GALNT17: variants seen among roughly 807,000 people sequenced by gnomAD.
GALNT17 encodes UDP-GalNAc:polypeptide N-acetylgalactosaminyltransferase-like 3.
A neutral mutation model predicts 63.7 loss-of-function variants in GALNT17; 29 were observed. The ratio of observed to expected loss-of-function variants is 0.46; its 90% CI spans 0.34 to 0.62. GALNT17 has a LOEUF of 0.62. Among genes scored for constraint, GALNT17 ranks in the 20% least tolerant of loss-of-function variants. GALNT17 has a pLI of 0.01. For synonymous variants in GALNT17, 305 were observed against 318.3 expected, an observed-to-expected ratio of 0.96 and a Z score of 0.45; for missense variants, 603 against 799.6, an observed-to-expected ratio of 0.75 and a Z score of 2.97.
At chr7:71,569,218 C>T (rs1789397505) in intron 5 of GALNT17, among the ~76,000 whole-genome samples, 1 of 152,112 alleles carries the variant, frequency 6.6e-6, no homozygotes, top group Admixed American at 6.6e-5. Flanking sequence ...GATCCCCCTG[C>T]CTCGGCCTCC....
intron 6 of GALNT17, among the ~76,000 whole-genome samples, chr7:71,590,537 G>T (rs758334112): frequency 6.6e-6 from 1 of 152,202 alleles, no homozygotes; most frequent in Non-Finnish European, 1.5e-5. Flanking sequence ...AGTGATGTGG[G>T]TGATTTATGG....
intron 1 of GALNT17, among the ~76,000 whole-genome samples, chr7:71,212,247 G>A (rs1292099681): frequency 6.6e-6 from 1 of 152,222 alleles, no homozygotes; most frequent in African/African-American, 2.4e-5. Context: ...CTCAGGCTGT[G>A]GCTTTGGAAG....
At chr7:71,553,369 G>T (rs1584045217) in intron 5 of GALNT17, among the ~76,000 whole-genome samples, 1 of 151,554 alleles carries the variant, frequency 6.6e-6, no homozygotes, top group African/African-American at 2.4e-5. Context: ...GTTTTTTTAG[G>T]CTATAGAGTT....
At chr7:71,359,126 AAGTACAG>A (rs1792349464) in intron 2 of GALNT17, among the ~76,000 whole-genome samples, 1 of 152,214 alleles carries the variant, frequency 6.6e-6, no homozygotes, top group Admixed American at 6.5e-5. Context: ...TTAGTGTCAC[AAGTACAG>A]TGCCTTTGTC....
intron 1 of GALNT17, among the ~76,000 whole-genome samples, chr7:71,139,125 G>A (rs182767379): frequency 1.3e-5 from 2 of 152,298 alleles, no homozygotes; most frequent in East Asian, 1.9e-4. Context: ...GGTGAGAAAG[G>A]TGAGAAACAG....
intron 2 of GALNT17, among the ~76,000 whole-genome samples, chr7:71,345,403 C>T (rs929561889): frequency 6.6e-6 from 1 of 152,180 alleles, no homozygotes; most frequent in Non-Finnish European, 1.5e-5. Context: ...GCTTATAAAT[C>T]CAGATGTCAG....
chr7:71,388,675 C>A (rs1322543223), intron 3 of GALNT17, among the ~76,000 whole-genome samples: 3 of 151,816 alleles, frequency 2.0e-5, no homozygotes, highest in African/African-American at 4.8e-5. Context: ...TACAGGCACC[C>A]GGCACCACGC....
At chr7:71,614,908 G>A (rs978909351) in intron 6 of GALNT17, among the ~76,000 whole-genome samples, 2 of 141,694 alleles carry the variant, frequency 1.4e-5, no homozygotes, top group African/African-American at 2.6e-5. Flanking sequence ...AGGGAGGGAG[G>A]AAGGGAGGGA....
rs111321229 is a variant in GALNT17 at position 71,606,135 on chromosome 7, T to G, written c.1080+34733T>G. ...TTGTATTTTTTTTTTTTTTTTTTTT[T>G]GTACAGACAGGGTTTCATTATGCTG... On this transcript the variant is annotated intron_variant, in intron 6 of 10. Transcript: ENST00000333538. 1.4e-3 allele frequency among the ~76,000 whole-genome samples: 69 copies of G among 49,122 alleles called. 1 individual carries two copies. The highest frequency in any genetic ancestry group is 4.9e-3 in the African/African-American group (63 of 12,818). 32.2% of individuals were successfully genotyped at this position (49,122 alleles called of 152,430 possible).
rs561299393 is a variant in GALNT17, at chr7:71,171,978, T to C, written c.238+38938T>C. On this transcript the variant is annotated intron_variant, in intron 1 of 10. Transcript: ENST00000333538. ...CACCCTCCCACCCCCAGCCCACCTATCCAATCTTCAGGATTAATTCTTTTC... is the reference window on the plus strand; with the variant it reads ...CACCCTCCCACCCCCAGCCCACCTACCCAATCTTCAGGATTAATTCTTTTC... Among the ~76,000 whole-genome samples the C allele has an allele frequency of 3.2e-3, 491 of 152,264 alleles. 3 individuals are homozygous for C. Among genetic ancestry groups the C allele is most frequent in the African/African-American group, 0.01 (428 of 41,544 alleles).
At chr7:71,359,104 A>G (rs903471933) in intron 2 of GALNT17, among the ~76,000 whole-genome samples, 3 of 152,236 alleles carry the variant, frequency 2.0e-5, no homozygotes, top group Middle Eastern at 3.2e-3. Flanking sequence ...TTGTAGTTCA[A>G]AGGGACCATT....
intron 5 of GALNT17, among the ~76,000 whole-genome samples, chr7:71,472,988 A>T (rs1787660196): frequency 6.6e-6 from 1 of 152,312 alleles, no homozygotes; most frequent in Non-Finnish European, 1.5e-5. Context: ...TATACAATTT[A>T]TGAGACAAGA....
chr7:71,348,909 A>G (rs907180006), intron 2 of GALNT17, among the ~76,000 whole-genome samples: 3 of 152,142 alleles, frequency 2.0e-5, no homozygotes, highest in African/African-American at 7.2e-5. Flanking sequence ...CTGAGTTAAA[A>G]CCAACCCATC....
At chr7:71,648,804 C>G (rs759969290) in intron 6 of GALNT17, among the ~76,000 whole-genome samples, 5 of 152,098 alleles carry the variant, frequency 3.3e-5, no homozygotes, top group Non-Finnish European at 7.4e-5. Context: ...ACCGTGAGAC[C>G]TAGCCTCAAT....
At chr7:71,467,151 C>G (rs1221412589) in intron 5 of GALNT17, among the ~76,000 whole-genome samples, 3 of 152,206 alleles carry the variant, frequency 2.0e-5, no homozygotes, top group African/African-American at 7.2e-5. Context: ...CTGACCCCTG[C>G]TTTGTCTTTT....
At chr7:71,483,869 A>AT (rs201928282) in intron 5 of GALNT17, among the ~76,000 whole-genome samples, 7 of 151,414 alleles carry the variant, frequency 4.6e-5, no homozygotes, top group East Asian at 3.9e-4. Context: ...TTTCCAACTA[A>AT]TTTTTTTTTC....
intron 9 of GALNT17, among the ~76,000 whole-genome samples, chr7:71,698,710 G>A (rs536388695): frequency 1.4e-4 from 22 of 152,060 alleles, no homozygotes; most frequent in African/African-American, 4.6e-4. Flanking sequence ...GGAAACAGAG[G>A]AGCCTGGACA....
chr7:71,684,709 C>A (rs1166729189), intron 9 of GALNT17, among the ~76,000 whole-genome samples: 1 of 152,156 alleles, frequency 6.6e-6, no homozygotes, highest in African/African-American at 2.4e-5. Flanking sequence ...GTCATCTAGG[C>A]TGGAGTACAG....
intron 2 of GALNT17, among the ~76,000 whole-genome samples, chr7:71,359,036 A>G (rs1440288255): frequency 6.6e-6 from 1 of 152,146 alleles, no homozygotes; most frequent in Non-Finnish European, 1.5e-5. Context: ...TGGCCTCCCA[A>G]AATTCTGGGA....
Sources: gnomAD v4.1 joint callset for allele counts (sites outside exome capture counted in the v4.1 genomes callset) on GRCh38, gnomAD v4.1.1 for gene constraint, MANE v1.5 for transcripts, NCBI Gene and HGNC (gene_info 2026-07-23, HGNC 2026-07-21) for gene names.